CPLANE1: variants seen among roughly 807,000 people sequenced by gnomAD.
CPLANE1 encodes the protein ciliogenesis and planar polarity effector complex subunit 1.
In CPLANE1, 263 loss-of-function variants were observed where a neutral mutation model predicts 362.5. The observed-to-expected ratio is 0.73, with a 90% CI of 0.66 to 0.80. The LOEUF is 0.80. Among genes scored for constraint, CPLANE1 ranks in the 30% least tolerant of loss-of-function variants. The probability of loss-of-function intolerance (pLI) is 0.00; values close to 1 mark genes in which losing one functional copy is unlikely to be tolerated. For missense variants in CPLANE1, 3,461 were observed against 3,793.4 expected, an observed-to-expected ratio of 0.91 and a Z score of 2.30; for synonymous variants, 1,212 against 1,302.6, an observed-to-expected ratio of 0.93 and a Z score of 1.50.
intron 15 of CPLANE1, among the ~76,000 whole-genome samples, chr5:37,219,036 T>C (rs548830666): frequency 6.6e-6 from 1 of 151,420 alleles, no homozygotes; most frequent in African/African-American, 2.4e-5. Context: ...ATTGCAAAAA[T>C]AAACAAATAA....
rs536510717 is a variant in CPLANE1 at position 37,190,664 on chromosome 5, T to C, written c.3812-2822A>G. ...TTATCAAGTAAATTTAAACATGGGA[T>C]AGATAACATAGTCAGATGCCACATA... On this transcript the variant is annotated intron_variant, in intron 21 of 52. Coordinates refer to ENST00000651892, the MANE Select transcript of CPLANE1 (RefSeq NM_001384732.1). Among the ~76,000 whole-genome samples, 3 of 152,302 alleles carry C rather than the reference T, an allele frequency of 2.0e-5. No individual in the cohort carries two copies. In the South Asian group the frequency reaches 6.2e-4, roughly 32 times the overall value.
intron 51 of CPLANE1, among the ~76,000 whole-genome samples, chr5:37,111,389 G>T (rs944254859): frequency 2.0e-5 from 3 of 152,156 alleles, no homozygotes; most frequent in Non-Finnish European, 4.4e-5. Context: ...CTCCCAAAGT[G>T]CTGGGATTGT....
chr5:37,142,207 T>C (rs1157129996), intron 44 of CPLANE1, 103 bp downstream of exon 44: 2 of 1,318,654 alleles, frequency 1.5e-6, no homozygotes, highest in Non-Finnish European at 1.9e-6. Context: ...TATTACAAAA[T>C]GACTTCACAA....
intron 23 of CPLANE1, 58 bp downstream of exon 23, chr5:37,187,356 A>C (rs1218636986): frequency 7.4e-7 from 1 of 1,356,688 alleles, no homozygotes; most frequent in Non-Finnish European, 1.0e-6. Context: ...AAATTAAATA[A>C]AAATCTTTTA....
the CPLANE1 span, among the ~76,000 whole-genome samples, chr5:37,101,015 G>A: frequency 6.6e-6 from 1 of 152,200 alleles, no homozygotes; most frequent in Non-Finnish European, 1.5e-5. Flanking sequence ...TTTGGGCTGA[G>A]ACAATGGGGT....
At chr5:37,211,548 G>C (rs1792597792) in intron 16 of CPLANE1, 1 of 1,228,302 alleles carries the variant, frequency 8.1e-7, no homozygotes, top group Non-Finnish European at 1.2e-6. Context: ...GCTATGCGGG[G>C]GCACTTCCTC....
Position 37,209,590 on chromosome 5 carries a change from C to A in CPLANE1, c.2921-3165G>T. On this transcript the variant is annotated intron_variant, in intron 16 of 52. Transcript: ENST00000651892. This position sits in a 1 kb window ranked among gnomAD's most constrained non-coding sequence, Gnocchi z 4.6. ...TCCCTCTTAATAAGTGCCTCTAACT[C>A]TTTAGTGGCAGATCACTTACAAAGA... 7 of 1,400,742 alleles carry A rather than the reference C, an allele frequency of 5.0e-6. No individual in the cohort carries two copies. Among genetic ancestry groups the A allele is most frequent in the Non-Finnish European group, 6.1e-6 (6 of 986,842 alleles). 86.8% of individuals were successfully genotyped at this position (1,400,742 alleles called of 1,614,324 possible).
chr5:37,114,254 T>C (rs1760236047), intron 51 of CPLANE1, among the ~76,000 whole-genome samples: 2 of 152,226 alleles, frequency 1.3e-5, no homozygotes, highest in Admixed American at 1.3e-4. Context: ...ATGCCTGGCA[T>C]AGAGTAAGTG....
In CPLANE1 at chr5:37,210,636, C is replaced by G. The variant is rs533299758; in HGVS notation, c.2920+2923G>C. The G allele has an allele frequency of 1.3e-4, 213 of 1,598,692 alleles. 2 individuals carry two copies. In the Middle Eastern group the frequency reaches 1.7e-3, roughly 13 times the overall value. ...GTCTTTGGCAATAACAAAACAAAAC[C>G]ATATGCTGAATGAAAAGGTTAAAGT... On this transcript the variant is annotated intron_variant, in intron 16 of 52. Transcript: ENST00000651892.
chr5:37,186,820 G>A (rs1261344210), intron 23 of CPLANE1, among the ~76,000 whole-genome samples: 1 of 152,202 alleles, frequency 6.6e-6, no homozygotes, highest in East Asian at 1.9e-4. Flanking sequence ...AGCACTTTGG[G>A]AGGCCGAGGC....
chr5:37,195,765 C>T (rs1580633688), intron 21 of CPLANE1, 93 bp downstream of exon 21: 2 of 1,179,268 alleles, frequency 1.7e-6, no homozygotes, highest in Admixed American at 2.5e-5. Context: ...AATATCAGAG[C>T]ATATTGTACT....
chr5:37,143,068 G>A (rs551021827), intron 43 of CPLANE1, among the ~76,000 whole-genome samples: 2 of 152,302 alleles, frequency 1.3e-5, no homozygotes, highest in East Asian at 3.9e-4. Context: ...TCAACACCCT[G>A]ACTTGCCACA....
At chr5:37,246,036 C>A in intron 2 of CPLANE1, 191 bp from the exon 3 acceptor site, 1 of 394,996 alleles carries the variant, frequency 2.5e-6, no homozygotes, top group Non-Finnish European at 4.2e-6. Context: ...TAAAATACCT[C>A]GTTAGAATTA....
chr5:37,141,978 T>C, intron 44 of CPLANE1: 1 of 623,516 alleles, frequency 1.6e-6, no homozygotes, highest in African/African-American at 2.0e-5. Flanking sequence ...CTATTTTGTT[T>C]TCAAATTAAA....
rs1275265369 is a variant in CPLANE1, at chr5:37,213,598, G to A, written c.2881C>T (p.His961Tyr). The change falls in exon 16 of 53, where the codon CAT (histidine) becomes TAT (tyrosine). Residue 961 changes from histidine to tyrosine, a missense_variant. By Grantham distance (83) the His-to-Tyr change is moderately conservative (BLOSUM62 2). Coordinates refer to ENST00000651892, the MANE Select transcript of CPLANE1 (RefSeq NM_001384732.1). ...AGTGGGGGAAGAACATTCACATGAT[G>A]AGGGGGCAAAATGCAAAGCTGCTGA... ...TNQQLCILPP[H>Y]HVNVLPPLHI... 1 of 1,547,668 alleles carries A rather than the reference G, an allele frequency of 6.5e-7. No individual in the cohort carries two copies. Among genetic ancestry groups the A allele is most frequent in the Non-Finnish European group, 8.7e-7 (1 of 1,144,504 alleles).
chr5:37,219,312 G>A (rs780626478), intron 15 of CPLANE1, among the ~76,000 whole-genome samples: 9 of 152,012 alleles, frequency 5.9e-5, no homozygotes, highest in Non-Finnish European at 1.3e-4. Flanking sequence ...TGTGGATCAC[G>A]AGGTCAGGAG....
At chr5:37,158,543 G>T (rs529650354) in intron 38 of CPLANE1, among the ~76,000 whole-genome samples, 198 bp from the exon 39 acceptor site, 99 of 152,258 alleles carry the variant, frequency 6.5e-4, no homozygotes, top group Admixed American at 4.4e-3. Flanking sequence ...ATAATTGAAT[G>T]TAAGCTGACT....
At chr5:37,211,026 A>G in intron 16 of CPLANE1, 1 of 802,562 alleles carries the variant, frequency 1.2e-6, no homozygotes, top group East Asian at 2.4e-5. Context: ...AGCCCTAGAG[A>G]ATGAAGTGTA....
chr5:37,185,413 T>C (rs975220455), intron 24 of CPLANE1, among the ~76,000 whole-genome samples: 22 of 152,162 alleles, frequency 1.4e-4, no homozygotes, highest in African/African-American at 5.3e-4. Context: ...AAAAGAATAA[T>C]GAATGTTTTT....
Sources: allele counts gnomAD v4.1 joint callset (sites outside exome capture counted in the v4.1 genomes callset), GRCh38; gene constraint gnomAD v4.1.1; non-coding constraint Gnocchi (gnomAD v3.1); transcripts MANE v1.5; gene names NCBI Gene and HGNC (gene_info 2026-07-23, HGNC 2026-07-21).